The following MEF2A variants were observed in gnomAD, a reference collection of about 807,000 sequenced individuals.
MEF2A encodes myocyte enhancer factor 2A.
MEF2A carries 28 observed loss-of-function variants against 55.8 expected under a neutral mutation model. The observed-to-expected ratio is 0.50, with a 90% CI of 0.37 to 0.69. The LOEUF (loss-of-function observed/expected upper bound fraction) is 0.69. Ranked by LOEUF, MEF2A falls within the 30% of genes least tolerant of loss-of-function variation. MEF2A has a pLI of 0.00. For synonymous variants in MEF2A, 239 were observed against 227.1 expected (o/e 1.05, Z -0.47); for missense variants, 528 against 626.2 (o/e 0.84, Z 1.67).
At chr15:99,628,253 A>G (rs1211590780) in intron 2 of MEF2A, among the ~76,000 whole-genome samples, 1 of 152,124 alleles carries the variant, frequency 6.6e-6, no homozygotes, top group Non-Finnish European at 1.5e-5. Flanking sequence ...GTTTACTATG[A>G]TAGCCACACA....
intron 11 of MEF2A, among the ~76,000 whole-genome samples, chr15:99,711,005 C>T (rs562035118): frequency 3.5e-4 from 54 of 152,290 alleles, no homozygotes; most frequent in Middle Eastern, 6.8e-3. Context: ...TAGGGACATC[C>T]TGAGGTAGAG....
At chr15:99,614,599 A>G (rs1596485510) in intron 2 of MEF2A, among the ~76,000 whole-genome samples, 1 of 152,278 alleles carries the variant, frequency 6.6e-6, no homozygotes, top group South Asian at 2.1e-4. Context: ...TGTATAAGGA[A>G]GTAATTACAG....
chr15:99,584,399 A>G (rs1457650951), intron 1 of MEF2A, among the ~76,000 whole-genome samples: 1 of 152,244 alleles, frequency 6.6e-6, no homozygotes. Context: ...TAGCAGCATT[A>G]GTCATAATAG....
At chr15:99,588,771 T>G (rs981937544) in intron 1 of MEF2A, among the ~76,000 whole-genome samples, 14 of 152,140 alleles carry the variant, frequency 9.2e-5, no homozygotes, top group South Asian at 4.1e-4. Context: ...TTTTGTTTTT[T>G]TTTTTAAATT....
At chr15:99,641,615 C>T (rs1395362016) in intron 3 of MEF2A, among the ~76,000 whole-genome samples, 2 of 151,920 alleles carry the variant, frequency 1.3e-5, no homozygotes, top group African/African-American at 2.4e-5. Flanking sequence ...CCCAGCTACT[C>T]GGGAGGCTGA....
chr15:99,617,025 C>T (rs1010706981), intron 2 of MEF2A, among the ~76,000 whole-genome samples: 2 of 152,234 alleles, frequency 1.3e-5, no homozygotes, highest in East Asian at 3.9e-4. Context: ...TTGTTACAGT[C>T]ATTTATTTGT....
chr15:99,603,373 A>ATT (rs71149481), intron 2 of MEF2A, among the ~76,000 whole-genome samples: 4 of 141,386 alleles, frequency 2.8e-5, no homozygotes, highest in Non-Finnish European at 1.6e-5. Flanking sequence ...TGTTAGTAAA[A>ATT]TTTTTTTTTT....
At chr15:99,589,504 A>G (rs750114415) in intron 1 of MEF2A, among the ~76,000 whole-genome samples, 5 of 151,404 alleles carry the variant, frequency 3.3e-5, no homozygotes, top group Non-Finnish European at 7.4e-5. Flanking sequence ...CTCTGTTACC[A>G]TTTTCTACTT....
At chr15:99,636,758 A>ATAAGG (rs2043927194) in intron 3 of MEF2A, among the ~76,000 whole-genome samples, 1 of 152,062 alleles carries the variant, frequency 6.6e-6, no homozygotes, top group East Asian at 1.9e-4. Context: ...TTTACTTACC[A>ATAAGG]TAAGGCCATA....
chr15:99,650,321 CA>C (rs2046643558), intron 4 of MEF2A, among the ~76,000 whole-genome samples: 1 of 152,102 alleles, frequency 6.6e-6, no homozygotes, highest in Non-Finnish European at 1.5e-5. Flanking sequence ...AGCTCTGGAG[CA>C]TTTTACCGTA....
chr15:99,671,563 C>T, intron 5 of MEF2A, 109 bp downstream of exon 5: 1 of 1,612,716 alleles, frequency 6.2e-7, no homozygotes, highest in Non-Finnish European at 8.5e-7. Context: ...AGCCCAGACC[C>T]TGATACTTCA....
intron 3 of MEF2A, among the ~76,000 whole-genome samples, chr15:99,640,483 CT>C (rs1183308182): frequency 4.0e-5 from 6 of 151,662 alleles, no homozygotes; most frequent in Non-Finnish European, 8.8e-5. Flanking sequence ...CTTTCCTTTT[CT>C]TTTTTTCTTT....
chr15:99,689,669 CG>C (rs2054990280), intron 7 of MEF2A, among the ~76,000 whole-genome samples: 1 of 152,152 alleles, frequency 6.6e-6, no homozygotes, highest in African/African-American at 2.4e-5. Flanking sequence ...TTAGTAGAGA[CG>C]GGGTTTCAAC....
chr15:99,611,126 C>G (rs184359223), intron 2 of MEF2A, among the ~76,000 whole-genome samples: 269 of 152,220 alleles, frequency 1.8e-3, no homozygotes, highest in Admixed American at 4.2e-3. Context: ...CTTGTAATCC[C>G]AGCTACTCAG....
intron 3 of MEF2A, among the ~76,000 whole-genome samples, chr15:99,633,734 T>G (rs999109805): frequency 1.3e-5 from 2 of 151,866 alleles, no homozygotes; most frequent in African/African-American, 2.4e-5. Flanking sequence ...CCTTACAGAT[T>G]CAAGGTAATT....
intron 3 of MEF2A, among the ~76,000 whole-genome samples, chr15:99,638,050 T>C (rs2044204397): frequency 1.3e-5 from 2 of 152,254 alleles, no homozygotes; most frequent in Non-Finnish European, 1.5e-5. Flanking sequence ...CATGTGCTTA[T>C]TGGACATTTG....
intron 1 of MEF2A, among the ~76,000 whole-genome samples, chr15:99,572,417 C>G (rs1187394682): frequency 1.3e-5 from 2 of 152,222 alleles, no homozygotes; most frequent in Admixed American, 6.5e-5. Context: ...ATTTTACTCT[C>G]TTACACAGAT....
intron 3 of MEF2A, among the ~76,000 whole-genome samples, chr15:99,636,014 TGCTG>T (rs964301449): frequency 2.6e-5 from 4 of 152,202 alleles, no homozygotes; most frequent in African/African-American, 7.2e-5. Context: ...GTTTACACTC[TGCTG>T]GCAGAGTGTA....
rs2058538437 is a variant in MEF2A at position 99,710,638 on chromosome 15, T to C, written c.1014T>C (p.Tyr338=). 2.5e-6 allele frequency: 4 copies of C among 1,611,090 alleles called. No homozygotes were observed. In the East Asian group the frequency reaches 8.9e-5, roughly 36 times the overall value. ...CCCTCTTGTCTTCCTTTGTAGATTATTCACTGACCAGCGCTGACCTGTCAG... is the reference window on the plus strand; with the variant it reads ...CCCTCTTGTCTTCCTTTGTAGATTACTCACTGACCAGCGCTGACCTGTCAG... ...SAMPTAYNTD[Y]SLTSADLSAL... is the part of the protein sequence containing the mutation. Residue 338 remains tyrosine (Y), a synonymous_variant, in exon 11 of 12, where the codon TAT becomes TAC. Coordinates refer to ENST00000557942, the MANE Select transcript of MEF2A (RefSeq NM_001319206.4).
Sources: gnomAD v4.1 joint callset for allele counts (sites outside exome capture counted in the v4.1 genomes callset) on GRCh38, gnomAD v4.1.1 for gene constraint, MANE v1.5 for transcripts, NCBI Gene and HGNC (gene_info 2026-07-23, HGNC 2026-07-21) for gene names.